MFAP2: variants seen among roughly 807,000 people sequenced by gnomAD.
MFAP2 encodes the protein microfibrillar-associated protein 2.
In MFAP2, 23 loss-of-function variants were observed where a neutral mutation model predicts 30.6. That is an observed-to-expected ratio of 0.75 (90% confidence interval 0.54 to 1.07). MFAP2 has a LOEUF of 1.07. MFAP2 is among the 50% of genes least tolerant of loss of function. The pLI, the probability that MFAP2 is intolerant of heterozygous loss-of-function variation, is 0.00. For synonymous variants in MFAP2, 73 were observed against 85.7 expected, an observed-to-expected ratio of 0.85 and a Z score of 0.82; for missense variants, 198 against 223.8, an observed-to-expected ratio of 0.88 and a Z score of 0.74.
rs1365348749 is a variant in MFAP2 at position 16,975,797 on chromosome 1, G to A, written c.287-67C>T. 70 of 1,440,060 alleles carry A rather than the reference G, an allele frequency of 4.9e-5. No individual in the cohort carries two copies. Among genetic ancestry groups the A allele is most frequent in the Non-Finnish European group, 5.8e-5 (60 of 1,036,044 alleles). The allele number at this position is 1,440,060 out of a possible 1,614,324, so 89.2% of individuals were successfully genotyped here. A position where few individuals can be genotyped will look rare whatever the true frequency, so the allele number is the denominator to read the frequency against. On this transcript the variant is annotated intron_variant, in intron 6 of 8. Coordinates refer to ENST00000375535, the MANE Select transcript of MFAP2 (RefSeq NM_002403.4). This position sits in a 1 kb window ranked among gnomAD's most constrained non-coding sequence, Gnocchi z 5.0. ...GCGGCCCCCAGCCTCACCCACCTGA[G>A]GCTGGCTCACAGGGCCTAGTCCCCC...
intron 1 of MFAP2, among the ~76,000 whole-genome samples, chr1:16,979,408 G>A (rs9435730): frequency 0.78 from 118,996 of 152,126 alleles, 46,985 homozygotes; most frequent in Admixed American, 0.85. Context: ...CCCACTGGGA[G>A]TCCAGGGAGA....
rs958427065 is a variant in MFAP2, at chr1:16,975,410, G to A, written c.375-68C>T. On this transcript the variant is annotated intron_variant, in intron 7 of 8. Transcript: ENST00000375535. The surrounding 1 kb of genome is among the most constrained non-coding windows in gnomAD (Gnocchi z 5.0). ...CAATCCCACTGGGATAGCCCAGACA[G>A]AACCTGGCACGGGAGCCCGGACAGA... 3 of 1,036,080 alleles carry A rather than the reference G, an allele frequency of 2.9e-6. No homozygotes were observed. Among genetic ancestry groups the A allele is most frequent in the Non-Finnish European group, 3.7e-6 (3 of 816,598 alleles). The allele number at this position is 1,036,080 out of a possible 1,614,324, so 64.2% of individuals were successfully genotyped here.
chr1:16,979,031 C>A (rs2076616343), intron 1 of MFAP2: 1 of 152,322 alleles, frequency 6.6e-6, no homozygotes, highest in South Asian at 2.1e-4. Context: ...CCTGAGGGGG[C>A]TCCTCTGGAT....
At position 16,974,915 on chromosome 1, in the gene MFAP2, C is replaced by T. The variant is rs892629282; in HGVS notation, c.*5G>A. Reference sequence around the variant, plus strand: ...AGGGCCAGGACTCAGGATGCCAGCACCACCCTAGCAGCTCCCACAGCTCCT... The same window carrying T: ...AGGGCCAGGACTCAGGATGCCAGCATCACCCTAGCAGCTCCCACAGCTCCT... On this transcript the variant is annotated 3_prime_UTR_variant, in exon 9 of 9. Coordinates refer to ENST00000375535, the MANE Select transcript of MFAP2 (RefSeq NM_002403.4). 5 of 742,202 alleles carry T rather than the reference C, an allele frequency of 6.7e-6. No homozygotes were observed. The highest frequency in any genetic ancestry group is 3.7e-5 in the African/African-American group (2 of 53,890). 46.0% of individuals were successfully genotyped at this position (742,202 alleles called of 1,614,324 possible).
chr1:16,975,987 G>A lies in MFAP2; in HGVS notation c.287-257C>T, dbSNP rs995992866. Among the ~76,000 whole-genome samples, 1 of 152,018 alleles carries A rather than the reference G, an allele frequency of 6.6e-6. No individual in the cohort carries two copies. Among genetic ancestry groups the A allele is most frequent in the Admixed American group, 6.6e-5 (1 of 15,266 alleles). ...AGAAATTTGCACCCACCCATGCATC[G>A]CCACAAAAGCCCATACCAACTCCCG... On this transcript the variant is annotated intron_variant, in intron 6 of 8. Coordinates refer to ENST00000375535, the MANE Select transcript of MFAP2 (RefSeq NM_002403.4). The surrounding 1 kb of genome is among the most constrained non-coding windows in gnomAD (Gnocchi z 5.0).
intron 1 of MFAP2, among the ~76,000 whole-genome samples, chr1:16,980,267 A>ACACCCCCCCCCCCCCCCC (rs1557656639): frequency 6.2e-5 from 5 of 80,320 alleles, no homozygotes; most frequent in South Asian, 4.5e-4. Context: ...TTCCCACCGG[A>ACACCCCCCCCCCCCCCCC]CCCCCCCCCC....
chr1:16,979,625 G>C lies in MFAP2; in HGVS notation c.-42+962C>G, dbSNP rs60807139. Reference sequence around the variant, plus strand: ...TCTGAAAACCCTTGACCTCCTCATGGGAGGGGGATGAAAAGACCCAGAGAG... The same window carrying C: ...TCTGAAAACCCTTGACCTCCTCATGCGAGGGGGATGAAAAGACCCAGAGAG... On this transcript the variant is annotated intron_variant, in intron 1 of 8. Transcript: ENST00000375535. 9.7e-3 allele frequency among the ~76,000 whole-genome samples: 1,480 copies of C among 152,300 alleles called. 29 individuals are homozygous for C. The highest frequency in any genetic ancestry group is 0.034 in the African/African-American group (1,424 of 41,574).
rs1163495122 is a variant in MFAP2 at position 16,975,175 on chromosome 1, T to C, written c.448+94A>G. 4 of 1,327,652 alleles carry C rather than the reference T, an allele frequency of 3.0e-6. No homozygotes were observed. The highest frequency in any genetic ancestry group is 3.2e-6 in the Non-Finnish European group (3 of 936,506). 82.2% of individuals were successfully genotyped at this position (1,327,652 alleles called of 1,614,324 possible). On this transcript the variant is annotated intron_variant, in intron 8 of 8. Transcript: ENST00000375535. This position sits in a 1 kb window ranked among gnomAD's most constrained non-coding sequence, Gnocchi z 5.0. ...TCCTGGAAGTGGGCCTGGTGGATAA[T>C]ATGTGTTGAATAAACATCAGGTGGG...
Position 16,978,295 on chromosome 1 carries a change from G to A in MFAP2, c.-22C>T. 5.1e-6 allele frequency: 8 copies of A among 1,570,688 alleles called. No homozygotes were observed. The highest frequency in any genetic ancestry group is 6.9e-6 in the Non-Finnish European group (8 of 1,157,168). ...TCATGGCAACAAAGAGGCAGGCCGG[G>A]GTGGTGTCAGAGAGGACAGCTGGGG... On this transcript the variant is annotated 5_prime_UTR_variant, in exon 2 of 9. Coordinates refer to ENST00000375535, the MANE Select transcript of MFAP2 (RefSeq NM_002403.4).
chr1:16,974,896 A>AGGACT lies in MFAP2; in HGVS notation c.*19_*23dup. On this transcript the variant is annotated 3_prime_UTR_variant, in exon 9 of 9. Transcript: ENST00000375535. ...GAGGGCCCCAGATCCCAGGAGGGCC[A>AGGACT]GGACTCAGGATGCCAGCACCACCCT... 1 of 642,540 alleles carries AGGACT rather than the reference A, an allele frequency of 1.6e-6. No homozygotes were observed. Among genetic ancestry groups the AGGACT allele is most frequent in the Non-Finnish European group, 2.7e-6 (1 of 365,988 alleles). 39.8% of individuals were successfully genotyped at this position (642,540 alleles called of 1,614,324 possible). A position where few individuals can be genotyped will look rare whatever the true frequency, so the allele number is the denominator to read the frequency against.
chr1:16,975,477 A>G lies in MFAP2; in HGVS notation c.375-135T>C. ...CGGACAGAACCTGGCACTGGAGCCC[A>G]GGAGTGGAGGAGGTCCCTGGCCCAG... On this transcript the variant is annotated intron_variant, in intron 7 of 8. Coordinates refer to ENST00000375535, the MANE Select transcript of MFAP2 (RefSeq NM_002403.4). This position sits in a 1 kb window ranked among gnomAD's most constrained non-coding sequence, Gnocchi z 5.0. 1 of 1,176,296 alleles carries G rather than the reference A, an allele frequency of 8.5e-7. No homozygotes were observed. The highest frequency in any genetic ancestry group is 1.2e-6 in the Non-Finnish European group (1 of 805,096). The allele number at this position is 1,176,296 out of a possible 1,614,324, so 72.9% of individuals were successfully genotyped here.
In MFAP2 at chr1:16,977,114, T is replaced by C. The variant is rs111622901; in HGVS notation, c.122A>G (p.Gln41Arg). The C allele has an allele frequency of 5.4e-5, 87 of 1,613,914 alleles. No homozygotes were observed. In the African/African-American group the frequency reaches 9.7e-4, roughly 18 times the overall value. Residue 41 changes from glutamine (Q) to arginine (R), a missense_variant, in exon 3 of 9, where the codon CAG becomes CGG. Coordinates refer to ENST00000375535, the MANE Select transcript of MFAP2 (RefSeq NM_002403.4). ...TGACCCGGCAAGGCCCTTACCGATC[T>C]GGTCGCTATAGTGGGTGTACTGGAC... ...DHVQYTHYSDQIDNPDYYDYQ... is the reference protein window; with the variant it reads ...DHVQYTHYSDRIDNPDYYDYQ...
At chr1:16,979,573 A>T (rs1461362802) in intron 1 of MFAP2, among the ~76,000 whole-genome samples, 1 of 152,184 alleles carries the variant, frequency 6.6e-6, no homozygotes, top group Non-Finnish European at 1.5e-5. Context: ...CCCAGAGGCG[A>T]GGGATAGCTG....
intron 1 of MFAP2, among the ~76,000 whole-genome samples, chr1:16,979,775 G>C (rs979158093): frequency 6.6e-6 from 1 of 152,240 alleles, no homozygotes; most frequent in Non-Finnish European, 1.5e-5. Flanking sequence ...CCTGCGGGGA[G>C]TCTTCCTCCC....
rs1170886201 is a variant in MFAP2, at chr1:16,977,119, G to A, written c.117C>T (p.Ser39=). The change falls in exon 3 of 9, where the codon AGC becomes AGT. Residue 39 remains serine (S), a synonymous_variant. Transcript: ENST00000375535. ...CGGCAAGGCCCTTACCGATCTGGTC[G>A]CTATAGTGGGTGTACTGGACGTGGT... The part of the protein sequence containing the change: ...FPDHVQYTHY[S]DQIDNPDYYD... 1.3e-5 allele frequency: 21 copies of A among 1,613,800 alleles called. No homozygotes were observed. Among genetic ancestry groups the A allele is most frequent in the East Asian group, 8.9e-5 (4 of 44,872 alleles).
At position 16,976,380 on chromosome 1, in the gene MFAP2, C is replaced by T; in HGVS notation, c.286+121G>A. On this transcript the variant is annotated intron_variant, in intron 6 of 8. Coordinates refer to ENST00000375535, the MANE Select transcript of MFAP2 (RefSeq NM_002403.4). The surrounding 1 kb of genome is among the most constrained non-coding windows in gnomAD (Gnocchi z 5.5). ...GCCAGCCTACGGCAGTCATACTGCC[C>T]ACACTGCCAAGAGCCCACATGGGCA... 1.5e-6 allele frequency: 2 copies of T among 1,301,554 alleles called. No individual in the cohort carries two copies. Among genetic ancestry groups the T allele is most frequent in the Non-Finnish European group, 2.2e-6 (2 of 900,544 alleles). 80.6% of individuals were successfully genotyped at this position (1,301,554 alleles called of 1,614,324 possible). A position where few individuals can be genotyped will look rare whatever the true frequency, so the allele number is the denominator to read the frequency against.
At chr1:16,978,435 A>AG in intron 1 of MFAP2, 121 bp from the exon 2 acceptor site, 1 of 815,558 alleles carries the variant, frequency 1.2e-6, no homozygotes, top group South Asian at 1.8e-5. Flanking sequence ...CAGGCATGGG[A>AG]GGGCTGGAGT....
rs1318350303 is a variant in MFAP2 at position 16,975,759 on chromosome 1, C to T, written c.287-29G>A. Reference sequence around the variant, plus strand: ...GTGACAGGTGGGGTCAGACTAGGAGCCCAGAGTGGGGGGCGGCCCCCAGCC... The same window carrying T: ...GTGACAGGTGGGGTCAGACTAGGAGTCCAGAGTGGGGGGCGGCCCCCAGCC... On this transcript the variant is annotated intron_variant, in intron 6 of 8. Transcript: ENST00000375535. This position sits in a 1 kb window ranked among gnomAD's most constrained non-coding sequence, Gnocchi z 5.0. 1.0e-5 allele frequency: 16 copies of T among 1,604,690 alleles called. No homozygotes were observed. Among genetic ancestry groups the T allele is most frequent in the Non-Finnish European group, 1.3e-5 (15 of 1,173,624 alleles).
intron 1 of MFAP2, among the ~76,000 whole-genome samples, chr1:16,979,411 C>CAGGGAGAGGGG (rs1396044852): frequency 1.3e-5 from 2 of 152,186 alleles, no homozygotes; most frequent in South Asian, 2.1e-4. Flanking sequence ...ACTGGGAGTC[C>CAGGGAGAGGGG]AGGGAGAGGG....
Sources: gnomAD v4.1 joint callset for allele counts (sites outside exome capture counted in the v4.1 genomes callset) on GRCh38, gnomAD v4.1.1 for gene constraint, Gnocchi (gnomAD v3.1) non-coding constraint, MANE v1.5 for transcripts, NCBI Gene and HGNC (gene_info 2026-07-23, HGNC 2026-07-21) for gene names.